CNTNAP2: variants seen among roughly 807,000 people sequenced by gnomAD.
The protein encoded by CNTNAP2 is contactin-associated protein-like 2.
Under a neutral mutation model 155.2 loss-of-function variants are expected in CNTNAP2, and 98 were observed. The ratio of observed to expected loss-of-function variants is 0.63; its 90% CI spans 0.54 to 0.75. The LOEUF is 0.75. CNTNAP2 is among the 30% of genes least tolerant of loss of function. The pLI is 0.00. For synonymous variants in CNTNAP2, 651 were observed against 631.2 expected (o/e 1.03, Z -0.47); for missense variants, 1,727 against 1,688.1 (o/e 1.02, Z -0.40).
At chr7:147,525,458 T>TTCTA (rs1414444497) in intron 11 of CNTNAP2, among the ~76,000 whole-genome samples, 1 of 152,184 alleles carries the variant, frequency 6.6e-6, no homozygotes, top group Non-Finnish European at 1.5e-5. Flanking sequence ...TTAAATCATA[T>TTCTA]TCTAAGTGGA....
chr7:146,680,987 A>G (rs1800491913), intron 1 of CNTNAP2, among the ~76,000 whole-genome samples: 1 of 152,142 alleles, frequency 6.6e-6, no homozygotes, highest in African/African-American at 2.4e-5. Context: ...AAAAAAGGTT[A>G]ATCAAAGTTT....
chr7:146,992,772 ATACT>A (rs1024613639), intron 3 of CNTNAP2, among the ~76,000 whole-genome samples: 3 of 152,208 alleles, frequency 2.0e-5, no homozygotes, highest in African/African-American at 7.2e-5. Context: ...CTGTACAAAA[ATACT>A]TATTATATAA....
chr7:146,533,107 C>CAAAA (rs553035616), intron 1 of CNTNAP2, among the ~76,000 whole-genome samples: 10 of 47,848 alleles, frequency 2.1e-4, no homozygotes, highest in African/African-American at 5.4e-4. Flanking sequence ...GACCCTGTCT[C>CAAAA]AAAAAAAAAA....
chr7:147,269,382 C>T (rs374038378), intron 8 of CNTNAP2, among the ~76,000 whole-genome samples: 2 of 152,252 alleles, frequency 1.3e-5, no homozygotes, highest in South Asian at 4.2e-4. Context: ...AGTGTTCACC[C>T]ACTCAACATA....
In CNTNAP2 at chr7:147,592,520, C is replaced by CT. The variant is rs548332869; in HGVS notation, c.1897+30270dup. On this transcript the variant is annotated intron_variant, in intron 12 of 23. Transcript: ENST00000361727. ...ATGATTAAGCTGTACACAATTTATT[C>CT]TTTTTTTATACTTTTCTGTATTTTT... Among the ~76,000 whole-genome samples the CT allele has an allele frequency of 4.1e-3, 586 of 142,394 alleles. 6 individuals are homozygous for CT. The highest frequency in any genetic ancestry group is 0.014 in the African/African-American group (558 of 39,154). The allele number at this position is 142,394 out of a possible 152,430, so 93.4% of individuals were successfully genotyped here. A position where few individuals can be genotyped will look rare whatever the true frequency, so the allele number is the denominator to read the frequency against.
At chr7:147,281,435 G>A (rs1213499158) in intron 8 of CNTNAP2, among the ~76,000 whole-genome samples, 3 of 151,762 alleles carry the variant, frequency 2.0e-5, no homozygotes, top group Non-Finnish European at 4.4e-5. Flanking sequence ...TAGTCATATT[G>A]TCTAGGGTAT....
At chr7:146,953,361 TTAAAC>T (rs1361828425) in intron 3 of CNTNAP2, among the ~76,000 whole-genome samples, 4 of 151,988 alleles carry the variant, frequency 2.6e-5, no homozygotes, top group Non-Finnish European at 5.9e-5. Context: ...AACTTGTAGT[TTAAAC>T]TAGTTTTCTC....
intron 3 of CNTNAP2, among the ~76,000 whole-genome samples, chr7:146,926,665 A>G (rs1257710232): frequency 6.6e-6 from 1 of 152,132 alleles, no homozygotes; most frequent in Non-Finnish European, 1.5e-5. Flanking sequence ...AATTTTTAAA[A>G]CAATCAAAAT....
At chr7:147,067,971 G>T (rs192791410) in intron 4 of CNTNAP2, among the ~76,000 whole-genome samples, 1 of 152,190 alleles carries the variant, frequency 6.6e-6, no homozygotes, top group African/African-American at 2.4e-5. Context: ...GCCCATCGGC[G>T]TGTCAGCCTA....
At chr7:147,038,769 G>C (rs1035547931) in intron 3 of CNTNAP2, among the ~76,000 whole-genome samples, 1 of 152,114 alleles carries the variant, frequency 6.6e-6, no homozygotes, top group Admixed American at 6.5e-5. Flanking sequence ...TTATGCAATG[G>C]TCTTCTACTA....
chr7:148,164,193 C>T (rs1265017324), intron 17 of CNTNAP2, among the ~76,000 whole-genome samples: 1 of 152,210 alleles, frequency 6.6e-6, no homozygotes, highest in African/African-American at 2.4e-5. Flanking sequence ...CTGCCTCGGC[C>T]TCCCAAAGTG....
intron 11 of CNTNAP2, among the ~76,000 whole-genome samples, chr7:147,490,013 A>G (rs532344309): frequency 6.6e-6 from 1 of 152,314 alleles, no homozygotes; most frequent in East Asian, 1.9e-4. Context: ...TAATTTAATG[A>G]ATGCAAGAGG....
chr7:147,001,197 C>T (rs1009677380), intron 3 of CNTNAP2, among the ~76,000 whole-genome samples: 1 of 151,996 alleles, frequency 6.6e-6, no homozygotes, highest in Non-Finnish European at 1.5e-5. Flanking sequence ...TGACAAGGTA[C>T]AGTCATCTTT....
chr7:147,916,609 TAC>T (rs1800166813), intron 14 of CNTNAP2, among the ~76,000 whole-genome samples: 2 of 106,196 alleles, frequency 1.9e-5, no homozygotes, highest in East Asian at 5.7e-4. Context: ...AAAAAAAAAA[TAC>T]AGTGTATTTC....
At chr7:147,529,461 G>T (rs936145138) in intron 11 of CNTNAP2, among the ~76,000 whole-genome samples, 1 of 152,116 alleles carries the variant, frequency 6.6e-6, no homozygotes, top group Non-Finnish European at 1.5e-5. Context: ...TCCTGGCTAT[G>T]ATCATGAGGC....
intron 16 of CNTNAP2, among the ~76,000 whole-genome samples, chr7:148,126,576 G>A (rs141721089): frequency 9.3e-4 from 142 of 152,332 alleles, no homozygotes; most frequent in African/African-American, 3.2e-3. Flanking sequence ...TTTGTAGGTT[G>A]TATCAAAAGG....
chr7:147,237,049 C>CT lies in CNTNAP2; in HGVS notation c.1349-63056dup, dbSNP rs548220734. Reference sequence around the variant, plus strand: ...CCACTTCCTTTAGCCTTCACCTCCTCTTTTTTTTTTTTTTTTTTTTTTTTT... The same window carrying CT: ...CCACTTCCTTTAGCCTTCACCTCCTCTTTTTTTTTTTTTTTTTTTTTTTTTT... On this transcript the variant is annotated intron_variant, in intron 8 of 23. Coordinates refer to ENST00000361727, the MANE Select transcript of CNTNAP2 (RefSeq NM_014141.6). Among the ~76,000 whole-genome samples, 255 of 57,454 alleles carry CT rather than the reference C, an allele frequency of 4.4e-3. 50 individuals are homozygous for CT. Among genetic ancestry groups the CT allele is most frequent in the Non-Finnish European group, 6.1e-3 (180 of 29,576 alleles). The allele number at this position is 57,454 out of a possible 152,430, so 37.7% of individuals were successfully genotyped here.
chr7:147,904,064 A>G (rs1002868752), intron 14 of CNTNAP2, among the ~76,000 whole-genome samples: 4 of 152,176 alleles, frequency 2.6e-5, no homozygotes, highest in Non-Finnish European at 5.9e-5. Flanking sequence ...GCCAGTGTGC[A>G]TGAGTGCAGG....
At chr7:148,152,931 G>A (rs1805327744) in intron 17 of CNTNAP2, among the ~76,000 whole-genome samples, 2 of 136,718 alleles carry the variant, frequency 1.5e-5, no homozygotes, top group Admixed American at 1.7e-4. Flanking sequence ...TGAGGCAGAA[G>A]AATGGCATGA....
Sources: allele counts gnomAD v4.1 joint callset (sites outside exome capture counted in the v4.1 genomes callset), GRCh38; gene constraint gnomAD v4.1.1; transcripts MANE v1.5; gene names NCBI Gene and HGNC (gene_info 2026-07-23, HGNC 2026-07-21).